The following NT5DC1 variants were observed in gnomAD, a reference collection of about 807,000 sequenced individuals.
The protein encoded by NT5DC1 is 5'-nucleotidase domain containing 1.
NT5DC1 carries 42 observed loss-of-function variants against 59.4 expected under a neutral mutation model. The observed-to-expected ratio is 0.71, with a 90% CI of 0.55 to 0.92. The LOEUF (loss-of-function observed/expected upper bound fraction) is 0.92, where lower values mean the gene tolerates loss of function less well. Ranked by LOEUF, NT5DC1 falls within the 40% of genes least tolerant of loss-of-function variation. The probability of loss-of-function intolerance (pLI) is 0.00; values close to 1 mark genes in which losing one functional copy is unlikely to be tolerated. For synonymous variants in NT5DC1, 172 were observed against 188.1 expected, an observed-to-expected ratio of 0.91 and a Z score of 0.70; for missense variants, 501 against 537.1, an observed-to-expected ratio of 0.93 and a Z score of 0.66.
intron 6 of NT5DC1, among the ~76,000 whole-genome samples, chr6:116,211,091 C>G (rs541072541): frequency 1.3e-5 from 2 of 152,128 alleles, no homozygotes; most frequent in East Asian, 3.9e-4. Flanking sequence ...AACACTTGCT[C>G]TGGGGGAAAC....
At chr6:116,134,039 G>A (rs558862121) in intron 6 of NT5DC1, among the ~76,000 whole-genome samples, 2 of 152,150 alleles carry the variant, frequency 1.3e-5, no homozygotes, top group Non-Finnish European at 2.9e-5. Flanking sequence ...GTTTAGACAT[G>A]CTGTCATCTT....
chr6:116,168,450 A>G (rs927455164), intron 6 of NT5DC1, among the ~76,000 whole-genome samples: 11 of 151,454 alleles, frequency 7.3e-5, no homozygotes, highest in African/African-American at 2.7e-4. Context: ...TTCTTTTTCT[A>G]TTTTTCAATT....
chr6:116,203,022 A>G (rs1330372990), intron 6 of NT5DC1, among the ~76,000 whole-genome samples: 1 of 151,990 alleles, frequency 6.6e-6, no homozygotes, highest in Non-Finnish European at 1.5e-5. Flanking sequence ...TTTAAATTTA[A>G]TTTAATACAC....
intron 6 of NT5DC1, among the ~76,000 whole-genome samples, chr6:116,206,206 A>C (rs189063171): frequency 2.9e-4 from 44 of 152,136 alleles, no homozygotes; most frequent in African/African-American, 1.1e-3. Flanking sequence ...TGTGGCCCAT[A>C]GCATTTCGTG....
intron 6 of NT5DC1, among the ~76,000 whole-genome samples, chr6:116,151,819 G>A (rs970676244): frequency 6.6e-6 from 1 of 152,088 alleles, no homozygotes; most frequent in African/African-American, 2.4e-5. Context: ...ATACTTCACT[G>A]TACTCTTTTC....
intron 2 of NT5DC1, among the ~76,000 whole-genome samples, chr6:116,106,582 G>A (rs967490143): frequency 6.6e-6 from 1 of 152,092 alleles, no homozygotes; most frequent in African/African-American, 2.4e-5. Flanking sequence ...TGACTAATTT[G>A]GATATTTTCA....
chr6:116,156,772 A>G (rs1449604619), intron 6 of NT5DC1, among the ~76,000 whole-genome samples: 3 of 152,198 alleles, frequency 2.0e-5, no homozygotes, highest in Non-Finnish European at 2.9e-5. Flanking sequence ...AATATCCAAG[A>G]TATCTATGGA....
chr6:116,178,006 T>C (rs1048237463), intron 6 of NT5DC1, among the ~76,000 whole-genome samples: 2 of 151,824 alleles, frequency 1.3e-5, no homozygotes, highest in Non-Finnish European at 2.9e-5. Context: ...CTTTGTGGAA[T>C]TGTTTTATCC....
At chr6:116,125,390 G>C (rs768980930) in intron 6 of NT5DC1, 2 of 1,613,736 alleles carry the variant, frequency 1.2e-6, no homozygotes, top group African/African-American at 2.7e-5. Flanking sequence ...GTGTTGGGTA[G>C]TGGGCCTTTT....
chr6:116,201,230 A>G (rs773757399), intron 6 of NT5DC1, among the ~76,000 whole-genome samples: 5 of 152,066 alleles, frequency 3.3e-5, no homozygotes, highest in Non-Finnish European at 7.4e-5. Flanking sequence ...GGTAACTACA[A>G]TTAGTTACCT....
intron 6 of NT5DC1, among the ~76,000 whole-genome samples, chr6:116,147,563 A>G (rs958940458): frequency 5.3e-5 from 8 of 152,248 alleles, no homozygotes; most frequent in Non-Finnish European, 1.0e-4. Context: ...AAAAGTATTT[A>G]AAGCAAAACA....
At position 116,182,314 on chromosome 6, in the gene NT5DC1, A is replaced by G. The variant is rs1178020921; in HGVS notation, c.530-38740A>G. The stretch of plus-strand genomic sequence containing the variant: ...TGATGAACATTTGGGCTGGTTCCAC[A>G]TTTTAGCAGTTGCAAATTGTGCTGC... On this transcript the variant is annotated intron_variant, in intron 6 of 11. Transcript: ENST00000319550. Among the ~76,000 whole-genome samples, 5 of 151,478 alleles carry G rather than the reference A, an allele frequency of 3.3e-5. No homozygotes were observed. The East Asian group carries it at 9.7e-4, about 29-fold the overall frequency.
chr6:116,233,019 T>C lies in NT5DC1; in HGVS notation c.803-3947T>C, dbSNP rs76220308. ...AAAAGATTTGAGCTTTGTTCTCCTA[T>C]GAGTTTTCTCCTTTGTAGTTATTTT... On this transcript the variant is annotated intron_variant, in intron 8 of 11. Coordinates refer to ENST00000319550, the MANE Select transcript of NT5DC1 (RefSeq NM_152729.3). 0.019 allele frequency among the ~76,000 whole-genome samples: 2,955 copies of C among 152,304 alleles called. 155 individuals are homozygous for C. In the East Asian group the frequency reaches 0.21, roughly 11 times the overall value.
rs1430925255 is a variant in NT5DC1, at chr6:116,248,554, GAGA to G, written c.*4533_*4535del. 2 of 152,360 alleles carry G rather than the reference GAGA, an allele frequency of 1.3e-5. No individual in the cohort carries two copies. Among genetic ancestry groups the G allele is most frequent in the Non-Finnish European group, 2.9e-5 (2 of 68,050 alleles). The allele number at this position is 152,360 out of a possible 1,614,324, so 9.4% of individuals were successfully genotyped here. On this transcript the variant is annotated 3_prime_UTR_variant, in exon 12 of 12. Coordinates refer to ENST00000319550, the MANE Select transcript of NT5DC1 (RefSeq NM_152729.3). The stretch of plus-strand genomic sequence containing the variant: ...GGAGTAATGGGGAGAAGGGCCTGAT[GAGA>G]AGGTCAGAGAAGCCTTTTATAAGTG...
At chr6:116,120,081 G>C (rs138831203) in intron 6 of NT5DC1, 1 of 1,613,434 alleles carries the variant, frequency 6.2e-7, no homozygotes, top group Non-Finnish European at 8.5e-7. Context: ...ACTCACATTG[G>C]AGCCACTAGG....
At chr6:116,242,097 G>C (rs1345116715) in intron 11 of NT5DC1, among the ~76,000 whole-genome samples, 1 of 151,896 alleles carries the variant, frequency 6.6e-6, no homozygotes, top group Non-Finnish European at 1.5e-5. Flanking sequence ...GGCAGGGCAC[G>C]GTAGCTCAAC....
chr6:116,153,442 GTCTC>G (rs1051221965), intron 6 of NT5DC1, among the ~76,000 whole-genome samples: 4 of 152,054 alleles, frequency 2.6e-5, no homozygotes, highest in South Asian at 2.1e-4. Context: ...GTTTTATAGA[GTCTC>G]TATTCCACTG....
chr6:116,130,491 C>T (rs554721539), intron 6 of NT5DC1, among the ~76,000 whole-genome samples: 1 of 151,688 alleles, frequency 6.6e-6, no homozygotes, highest in South Asian at 2.1e-4. Flanking sequence ...TTGTACCTTT[C>T]GTGGCCCAGA....
intron 6 of NT5DC1, among the ~76,000 whole-genome samples, chr6:116,168,314 T>C (rs11961051): frequency 0.031 from 4,744 of 152,144 alleles, 260 homozygotes; most frequent in African/African-American, 0.11. Context: ...TGTTCTGTTT[T>C]CTTTTAATCT....
Sources: gnomAD v4.1 joint callset for allele counts (sites outside exome capture counted in the v4.1 genomes callset) on GRCh38, gnomAD v4.1.1 for gene constraint, MANE v1.5 for transcripts, NCBI Gene and HGNC (gene_info 2026-07-23, HGNC 2026-07-21) for gene names.